Variants in PLCB4 observed in about 807,000 individuals in gnomAD.
PLCB4 encodes 1-phosphatidylinositol 4,5-bisphosphate phosphodiesterase beta-4.
In PLCB4, 77 loss-of-function variants were observed where a neutral mutation model predicts 178.8. The ratio of observed to expected loss-of-function variants is 0.43; its 90% CI spans 0.36 to 0.52. The LOEUF (loss-of-function observed/expected upper bound fraction) is 0.52. PLCB4 is among the 20% of genes least tolerant of loss of function. The pLI, the probability that PLCB4 is intolerant of heterozygous loss-of-function variation, is 0.00. For synonymous variants in PLCB4, 496 were observed against 490.8 expected, an observed-to-expected ratio of 1.01 and a Z score of -0.14; for missense variants, 1,024 against 1,453.4, an observed-to-expected ratio of 0.70 and a Z score of 4.80.
Position 9,479,762 on chromosome 20 carries a change from T to A in PLCB4, c.*753T>A, listed in dbSNP as rs1406097152. 1 of 152,692 alleles carries A rather than the reference T, an allele frequency of 6.5e-6. No individual in the cohort carries two copies. Among genetic ancestry groups the A allele is most frequent in the African/African-American group, 2.4e-5 (1 of 41,464 alleles). 9.5% of individuals were successfully genotyped at this position (152,692 alleles called of 1,614,324 possible). A position where few individuals can be genotyped will look rare whatever the true frequency, so the allele number is the denominator to read the frequency against. On this transcript the variant is annotated 3_prime_UTR_variant, in exon 40 of 40. Transcript: ENST00000378473. ...GTGGTTATTGGCAAACGTTTGTAAA[T>A]GTGACCATGTATAAAGTATTTATAC...
chr20:9,180,708 A>G (rs1418637391), intron 2 of PLCB4, among the ~76,000 whole-genome samples: 1 of 152,146 alleles, frequency 6.6e-6, no homozygotes, highest in East Asian at 1.9e-4. Context: ...CCCTTGGTTG[A>G]AGATCACATT....
chr20:9,077,260 C>T (rs2089914157), intron 1 of PLCB4, among the ~76,000 whole-genome samples: 1 of 152,134 alleles, frequency 6.6e-6, no homozygotes, highest in Admixed American at 6.5e-5. Flanking sequence ...GATCTTTGTT[C>T]GTAGGTCTTT....
chr20:9,176,116 ATTC>A (rs778154940), intron 2 of PLCB4, among the ~76,000 whole-genome samples: 18 of 152,124 alleles, frequency 1.2e-4, no homozygotes, highest in Non-Finnish European at 1.5e-5. Flanking sequence ...GGAACTATGT[ATTC>A]TTTTTATCTG....
chr20:9,423,100 G>A (rs2040759314), intron 27 of PLCB4, among the ~76,000 whole-genome samples: 1 of 152,194 alleles, frequency 6.6e-6, no homozygotes, highest in Non-Finnish European at 1.5e-5. Flanking sequence ...TTTGGGGATA[G>A]CAGGAGTAGG....
chr20:9,133,312 G>T (rs2092314668), intron 2 of PLCB4, among the ~76,000 whole-genome samples: 1 of 152,078 alleles, frequency 6.6e-6, no homozygotes, highest in Admixed American at 6.6e-5. Context: ...CTGTCACCCA[G>T]GCTGGAGTAT....
chr20:9,266,551 A>G (rs2094351034), intron 3 of PLCB4, among the ~76,000 whole-genome samples: 1 of 152,118 alleles, frequency 6.6e-6, no homozygotes. Context: ...ATTGTGTTTT[A>G]CCTGTTTGGG....
chr20:9,392,218 T>G (rs1323629055), intron 17 of PLCB4, among the ~76,000 whole-genome samples: 2 of 152,150 alleles, frequency 1.3e-5, no homozygotes, highest in African/African-American at 4.8e-5. Context: ...TCGGACAAAA[T>G]GCACAAACAA....
intron 8 of PLCB4, among the ~76,000 whole-genome samples, chr20:9,365,008 T>C (rs2148252602): frequency 6.6e-6 from 1 of 152,286 alleles, no homozygotes; most frequent in East Asian, 1.9e-4. Context: ...CACCGTGCAG[T>C]TGCATTTCCC....
intron 30 of PLCB4, 138 bp downstream of exon 30, chr20:9,437,290 T>G (rs2041834110): frequency 1.4e-6 from 1 of 739,942 alleles, no homozygotes; most frequent in Non-Finnish European, 2.1e-6. Context: ...GTTAACTAAT[T>G]CATCCCCACT....
intron 2 of PLCB4, among the ~76,000 whole-genome samples, chr20:9,144,583 A>G (rs1378479271): frequency 6.7e-6 from 1 of 149,748 alleles, no homozygotes; most frequent in Non-Finnish European, 1.5e-5. Flanking sequence ...GCTTAAGCCC[A>G]GGAGTTCAAG....
intron 9 of PLCB4, among the ~76,000 whole-genome samples, chr20:9,369,569 A>G (rs369379222): frequency 9.2e-5 from 14 of 152,344 alleles, no homozygotes; most frequent in African/African-American, 3.4e-4. Context: ...TTTGTTAAAG[A>G]GAATTCACAG....
chr20:9,112,377 C>T (rs2091613077), intron 2 of PLCB4, among the ~76,000 whole-genome samples: 1 of 151,804 alleles, frequency 6.6e-6, no homozygotes, highest in Non-Finnish European at 1.5e-5. Context: ...GCCTCAGCCT[C>T]CCAAGTAGCT....
At position 9,380,086 on chromosome 20, in the gene PLCB4, A is replaced by C. The variant is rs2037013651; in HGVS notation, c.777A>C (p.Leu259Phe). 1 of 1,595,014 alleles carries C rather than the reference A, an allele frequency of 6.3e-7. No homozygotes were observed. The highest frequency in any genetic ancestry group is 8.6e-7 in the Non-Finnish European group (1 of 1,166,758). Reference sequence around the variant, plus strand: ...GAGATCCTCGATTGAATGAAATTTTATTTCCATTTTATGATGCCAAAAGGG... The same window carrying C: ...GAGATCCTCGATTGAATGAAATTTTCTTTCCATTTTATGATGCCAAAAGGG... ...HQRDPRLNEI[L>F]FPFYDAKRAM... The change falls in exon 13 of 40, where the codon TTA (leucine) becomes TTC (phenylalanine). Residue 259 changes from leucine to phenylalanine, a missense_variant. Physicochemically the swap from Leu to Phe is conservative, Grantham distance 22. Transcript: ENST00000378473.
At chr20:9,098,491 G>A (rs2091003168) in intron 2 of PLCB4, among the ~76,000 whole-genome samples, 1 of 151,918 alleles carries the variant, frequency 6.6e-6, no homozygotes, top group Non-Finnish European at 1.5e-5. Context: ...TCGCCAGACA[G>A]TTAGGAGCAC....
intron 3 of PLCB4, among the ~76,000 whole-genome samples, chr20:9,231,153 T>C (rs1460632258): frequency 6.6e-6 from 1 of 152,174 alleles, no homozygotes; most frequent in East Asian, 1.9e-4. Flanking sequence ...TGTTGCTTTG[T>C]CATCCAGAAC....
intron 2 of PLCB4, among the ~76,000 whole-genome samples, chr20:9,136,195 T>G (rs2092378792): frequency 6.6e-6 from 1 of 152,092 alleles, no homozygotes; most frequent in Non-Finnish European, 1.5e-5. Context: ...TGTGGGTTGT[T>G]AGTTATGCAT....
chr20:9,473,496 A>G, intron 38 of PLCB4, 131 bp downstream of exon 38: 1 of 461,698 alleles, frequency 2.2e-6, no homozygotes, highest in Non-Finnish European at 3.9e-6. Flanking sequence ...GTTGCCCATT[A>G]CTATATTTTC....
chr20:9,251,603 G>A lies in PLCB4; in HGVS notation c.-16+34151G>A, dbSNP rs77072837. Among the ~76,000 whole-genome samples the A allele has an allele frequency of 5.1e-3, 771 of 152,228 alleles. 7 individuals carry two copies. Among genetic ancestry groups the A allele is most frequent in the African/African-American group, 0.018 (738 of 41,538 alleles). ...GCATTTAATTTCAGGATGGAAAGAG[G>A]CAGAGGCAAAGGACTTTGTTCTTAT... On this transcript the variant is annotated intron_variant, in intron 3 of 39. Coordinates refer to ENST00000378473, the MANE Select transcript of PLCB4 (RefSeq NM_001377142.1).
At chr20:9,389,247 T>TG (rs1212554333) in intron 15 of PLCB4, among the ~76,000 whole-genome samples, 4 of 152,170 alleles carry the variant, frequency 2.6e-5, no homozygotes, top group Admixed American at 2.0e-4. Context: ...GTGTTACAGA[T>TG]GGGGGGTCAA....
Sources: gnomAD v4.1 joint callset for allele counts (sites outside exome capture counted in the v4.1 genomes callset) on GRCh38, gnomAD v4.1.1 for gene constraint, MANE v1.5 for transcripts, NCBI Gene and HGNC (gene_info 2026-07-23, HGNC 2026-07-21) for gene names.